The following SLC35F1 variants were observed in gnomAD, a reference collection of about 807,000 sequenced individuals.
SLC35F1 encodes the protein solute carrier family 35 member F1.
A neutral mutation model predicts 48.7 loss-of-function variants in SLC35F1; 14 were observed. The ratio of observed to expected loss-of-function variants is 0.29; its 90% confidence interval spans 0.19 to 0.45. The LOEUF is 0.45. Ranked by LOEUF, SLC35F1 falls within the 20% of genes least tolerant of loss-of-function variation. SLC35F1 has a pLI of 1.00. For synonymous variants in SLC35F1, 190 were observed against 202.2 expected, an observed-to-expected ratio of 0.94 and a Z score of 0.51; for missense variants, 404 against 500.0, an observed-to-expected ratio of 0.81 and a Z score of 1.83.
At chr6:118,047,790 C>T (rs754255231) in intron 1 of SLC35F1, among the ~76,000 whole-genome samples, 11 of 151,988 alleles carry the variant, frequency 7.2e-5, no homozygotes, top group African/African-American at 1.7e-4. Context: ...CCTGTTGGGG[C>T]GCATGTTGGG....
intron 1 of SLC35F1, among the ~76,000 whole-genome samples, chr6:118,139,279 A>T (rs2114438693): frequency 6.6e-6 from 1 of 151,964 alleles, no homozygotes; most frequent in African/African-American, 2.4e-5. Flanking sequence ...TGCCCGGCTA[A>T]TTTTTTGTAT....
chr6:117,941,562 G>C (rs1776233484), intron 1 of SLC35F1, among the ~76,000 whole-genome samples: 1 of 152,162 alleles, frequency 6.6e-6, no homozygotes, highest in Non-Finnish European at 1.5e-5. Context: ...ATCTTACCTA[G>C]TTGTGACATG....
intron 1 of SLC35F1, among the ~76,000 whole-genome samples, chr6:118,069,521 C>T (rs1021160012): frequency 3.9e-5 from 6 of 152,052 alleles, no homozygotes; most frequent in African/African-American, 1.4e-4. Context: ...ACTAAAGTTC[C>T]CTAGGCTGGT....
chr6:118,075,889 A>T (rs1582652340), intron 1 of SLC35F1, among the ~76,000 whole-genome samples: 1 of 152,358 alleles, frequency 6.6e-6, no homozygotes, highest in Non-Finnish European at 1.5e-5. Flanking sequence ...TTAAGAAAAC[A>T]TTAAAAATGG....
intron 1 of SLC35F1, among the ~76,000 whole-genome samples, chr6:118,008,655 C>A (rs973707385): frequency 9.2e-5 from 14 of 152,106 alleles, no homozygotes; most frequent in African/African-American, 2.7e-4. Context: ...GATAAGAGAA[C>A]CTTTTCTGGA....
intron 2 of SLC35F1, among the ~76,000 whole-genome samples, chr6:118,233,701 T>C (rs1167419920): frequency 6.6e-6 from 1 of 152,134 alleles, no homozygotes; most frequent in Non-Finnish European, 1.5e-5. Flanking sequence ...CACAATCCTA[T>C]GAAAGGATTA....
At position 118,314,105 on chromosome 6, in the gene SLC35F1, A is replaced by G; in HGVS notation, c.1080A>G (p.Ile360Met). ...TCTACTCCTCCACCTCCACCTACAT[A>G]GCCCAGGACCCCCGAGTGTATAAGC... is the stretch of plus-strand genomic sequence containing the variant. Reference protein sequence around the residue: ...LVLYSSTSTYIAQDPRVYKQF... With the variant: ...LVLYSSTSTYMAQDPRVYKQF... Residue 360 changes from isoleucine (I) to methionine (M), a missense_variant, in exon 8 of 8, where the codon ATA becomes ATG. Around this residue, in one of 2 missense-constraint regions of SLC35F1, gnomAD observed 306 missense variants for 419.1 expected, o/e 0.73. Transcript: ENST00000360388. 1 of 1,614,070 alleles carries G rather than the reference A, an allele frequency of 6.2e-7. No homozygotes were observed. Among genetic ancestry groups the G allele is most frequent in the Non-Finnish European group, 8.5e-7 (1 of 1,180,032 alleles).
At chr6:118,281,364 T>A (rs991792909) in intron 6 of SLC35F1, among the ~76,000 whole-genome samples, 3 of 152,066 alleles carry the variant, frequency 2.0e-5, no homozygotes, top group Admixed American at 6.6e-5. Context: ...TAAGGGCAAG[T>A]TACTTAACCC....
intron 1 of SLC35F1, among the ~76,000 whole-genome samples, chr6:118,059,925 C>T (rs1174169187): frequency 6.6e-6 from 1 of 152,150 alleles, no homozygotes; most frequent in Non-Finnish European, 1.5e-5. Context: ...ATTATGTACC[C>T]ATAGTGTTTA....
At chr6:118,003,747 A>T (rs1777138315) in intron 1 of SLC35F1, among the ~76,000 whole-genome samples, 1 of 151,786 alleles carries the variant, frequency 6.6e-6, no homozygotes, top group Non-Finnish European at 1.5e-5. Flanking sequence ...ATGATTTTAC[A>T]TTTTTTTTTA....
chr6:118,244,541 A>G (rs1775483407), intron 3 of SLC35F1, among the ~76,000 whole-genome samples: 1 of 152,264 alleles, frequency 6.6e-6, no homozygotes, highest in Admixed American at 6.5e-5. Context: ...ATTGGAAAGC[A>G]AGGGACGTAT....
chr6:117,948,039 G>A lies in SLC35F1; in HGVS notation c.173+40140G>A, dbSNP rs184316036. On this transcript the variant is annotated intron_variant, in intron 1 of 7. Coordinates refer to ENST00000360388, the MANE Select transcript of SLC35F1 (RefSeq NM_001029858.4). The stretch of plus-strand genomic sequence containing the variant: ...TGTAGCTAATACAAAAACATTTTGT[G>A]TATTACTAGATTTAATTCATGTTTC... Among the ~76,000 whole-genome samples the A allele has an allele frequency of 3.5e-3, 537 of 152,198 alleles. 4 individuals are homozygous for A. The highest frequency in any genetic ancestry group is 0.013 in the African/African-American group (522 of 41,520).
chr6:118,075,870 T>C (rs527732269), intron 1 of SLC35F1, among the ~76,000 whole-genome samples: 4 of 152,358 alleles, frequency 2.6e-5, no homozygotes, highest in Admixed American at 1.3e-4. Context: ...AGTGTTGTTC[T>C]TTTACAATTT....
At chr6:117,944,243 T>C (rs972597621) in intron 1 of SLC35F1, among the ~76,000 whole-genome samples, 26 of 152,182 alleles carry the variant, frequency 1.7e-4, no homozygotes, top group African/African-American at 6.3e-4. Flanking sequence ...TTGCTATCAG[T>C]TTGCTTACTA....
chr6:118,279,534 C>T (rs1468276756), intron 6 of SLC35F1, among the ~76,000 whole-genome samples: 1 of 152,188 alleles, frequency 6.6e-6, no homozygotes, highest in Non-Finnish European at 1.5e-5. Context: ...CCTATTCTTT[C>T]CTCTCTCACC....
At chr6:118,103,381 T>G (rs1773286394) in intron 1 of SLC35F1, among the ~76,000 whole-genome samples, 1 of 152,234 alleles carries the variant, frequency 6.6e-6, no homozygotes, top group Non-Finnish European at 1.5e-5. Flanking sequence ...AACTCGTCAC[T>G]TAGCATTATT....
chr6:117,934,442 A>AT (rs1426850359), intron 1 of SLC35F1, among the ~76,000 whole-genome samples: 1 of 152,198 alleles, frequency 6.6e-6, no homozygotes, highest in African/African-American at 2.4e-5. Context: ...TTAAGGATAT[A>AT]TTTTTAGATA....
chr6:118,080,092 C>T (rs1772883965), intron 1 of SLC35F1, among the ~76,000 whole-genome samples: 1 of 152,170 alleles, frequency 6.6e-6, no homozygotes, highest in Non-Finnish European at 1.5e-5. Flanking sequence ...GCTTGAGCCT[C>T]AAAGCTGAGC....
At chr6:118,077,713 A>G (rs1582653335) in intron 1 of SLC35F1, among the ~76,000 whole-genome samples, 1 of 152,228 alleles carries the variant, frequency 6.6e-6, no homozygotes, top group South Asian at 2.1e-4. Context: ...AAGGCAGTGC[A>G]GAGCATACAG....
Sources: allele counts gnomAD v4.1 joint callset (sites outside exome capture counted in the v4.1 genomes callset), GRCh38; gene constraint gnomAD v4.1.1; regional missense constraint gnomAD v4.1.1; transcripts MANE v1.5; gene names NCBI Gene and HGNC (gene_info 2026-07-23, HGNC 2026-07-21).